The following ORC2 variants were observed in gnomAD, a reference collection of about 807,000 sequenced individuals.
ORC2 encodes origin recognition complex subunit 2.
ORC2 carries 37 observed loss-of-function variants against 77.7 expected under a neutral mutation model. The observed-to-expected ratio is 0.48, with a 90% confidence interval of 0.37 to 0.63. ORC2 has a LOEUF of 0.63. ORC2 is among the 20% of genes least tolerant of loss of function. ORC2 has a pLI of 0.00. For synonymous variants in ORC2, 201 were observed against 229.5 expected (o/e 0.88, Z 1.12); for missense variants, 557 against 661.9 (o/e 0.84, Z 1.74).
chr2:200,944,095 G>C (rs2041205395), intron 5 of ORC2, among the ~76,000 whole-genome samples: 1 of 152,136 alleles, frequency 6.6e-6, no homozygotes. Flanking sequence ...TGCTCCACCT[G>C]ATTTTAAATA....
chr2:200,940,724 C>T (rs1001077225), intron 7 of ORC2, among the ~76,000 whole-genome samples: 3 of 152,044 alleles, frequency 2.0e-5, no homozygotes, highest in Non-Finnish European at 4.4e-5. Flanking sequence ...ATCACTTGAA[C>T]CTGGAAGGTG....
intron 1 of ORC2, among the ~76,000 whole-genome samples, chr2:200,960,862 C>T (rs1161499326): frequency 1.3e-5 from 2 of 150,946 alleles, no homozygotes; most frequent in African/African-American, 2.4e-5. Flanking sequence ...CTGCAACCTC[C>T]GCCTCCTGGG....
chr2:200,934,790 GTTC>G (rs2041006378), intron 9 of ORC2, among the ~76,000 whole-genome samples: 1 of 152,168 alleles, frequency 6.6e-6, no homozygotes, highest in Admixed American at 6.5e-5. Flanking sequence ...CACACTATTT[GTTC>G]TTCTGATTTT....
intron 5 of ORC2, among the ~76,000 whole-genome samples, chr2:200,947,835 A>C (rs1019461713): frequency 6.6e-6 from 1 of 152,086 alleles, no homozygotes; most frequent in African/African-American, 2.4e-5. Flanking sequence ...CCCTAGGCTC[A>C]AGTCATCCTC....
intron 16 of ORC2, 75 bp from the exon 17 acceptor site, chr2:200,913,488 G>GTTA: frequency 6.8e-7 from 1 of 1,469,502 alleles, no homozygotes; most frequent in Non-Finnish European, 9.1e-7. Flanking sequence ...CCATACAAAA[G>GTTA]AACAGAATAA....
chr2:200,956,499 CT>C (rs34731886), intron 4 of ORC2, among the ~76,000 whole-genome samples: 4,976 of 146,846 alleles, frequency 0.034, 118 homozygotes, highest in Middle Eastern at 0.083. Context: ...TAATTAAAAA[CT>C]TTTTTTTTTT....
intron 17 of ORC2, among the ~76,000 whole-genome samples, chr2:200,912,110 A>G (rs561198287): frequency 6.6e-6 from 1 of 152,218 alleles, no homozygotes; most frequent in South Asian, 2.1e-4. Flanking sequence ...TCACCTCTGC[A>G]GGCTTATCCT....
chr2:200,961,867 G>A (rs1386973254), intron 1 of ORC2, among the ~76,000 whole-genome samples: 2 of 152,140 alleles, frequency 1.3e-5, no homozygotes, highest in East Asian at 1.9e-4. Flanking sequence ...AGTAAAGGTC[G>A]GTTACGTAAT....
At chr2:200,933,698 G>A (rs2040982845) in intron 10 of ORC2, among the ~76,000 whole-genome samples, 178 bp downstream of exon 10, 1 of 152,076 alleles carries the variant, frequency 6.6e-6, no homozygotes, top group South Asian at 2.1e-4. Context: ...TATGAGCCAG[G>A]TGTGCCCGGC....
rs869076427 is a variant in ORC2, at chr2:200,932,334, CTTTTTTT to C, written c.808-893_808-887del. On this transcript the variant is annotated intron_variant, in intron 10 of 17. Coordinates refer to ENST00000234296, the MANE Select transcript of ORC2 (RefSeq NM_006190.5). ...CTCATGTATGTACTTTCATTTCAAA[CTTTTTTT>C]TTTTTTTTTTTTTTTTGAGACAGAG... 4.2e-5 allele frequency among the ~76,000 whole-genome samples: 5 copies of C among 120,166 alleles called. No homozygotes were observed. The South Asian group carries it at 1.1e-3, about 26-fold the overall frequency. 78.8% of individuals were successfully genotyped at this position (120,166 alleles called of 152,430 possible).
chr2:200,950,050 T>C (rs962346830), intron 4 of ORC2, among the ~76,000 whole-genome samples: 2 of 152,102 alleles, frequency 1.3e-5, no homozygotes, highest in Non-Finnish European at 2.9e-5. Flanking sequence ...GAAGCTTTCT[T>C]GGCCGGGCGC....
chr2:200,935,852 A>G lies in ORC2; in HGVS notation c.555T>C (p.Ala185=). 1 of 1,613,928 alleles carries G rather than the reference A, an allele frequency of 6.2e-7. No individual in the cohort carries two copies. Reference sequence around the variant, plus strand: ...CCCCTTCATCATCCTCTGAGTTGGAAGCAGAATATTCGCTTTCACTGTCAG... The same window carrying G: ...CCCCTTCATCATCCTCTGAGTTGGAGGCAGAATATTCGCTTTCACTGTCAG... ...SHSDSESEYS[A]SNSEDDEGVA... Residue 185 remains alanine (A), a synonymous_variant, in exon 9 of 18, where the codon GCT becomes GCC. Transcript: ENST00000234296.
At chr2:200,952,406 C>T (rs1559023047) in intron 4 of ORC2, among the ~76,000 whole-genome samples, 1 of 151,996 alleles carries the variant, frequency 6.6e-6, no homozygotes, top group Non-Finnish European at 1.5e-5. Context: ...ACTACAGTCG[C>T]CCGCCACCAC....
At chr2:200,944,364 G>A (rs2041213415) in intron 5 of ORC2, among the ~76,000 whole-genome samples, 2 of 152,138 alleles carry the variant, frequency 1.3e-5, no homozygotes, top group Non-Finnish European at 1.5e-5. Context: ...TAGTAGAGCG[G>A]GGGTTTCACC....
chr2:200,916,484 C>CA lies in ORC2; in HGVS notation c.1467-2493dup, dbSNP rs202132939. 1.7e-3 allele frequency among the ~76,000 whole-genome samples: 248 copies of CA among 147,266 alleles called. 2 individuals are homozygous for CA. In the East Asian group the frequency reaches 0.037, roughly 22 times the overall value. ...TTGGCGACACCATGAGTCTCCATCTCAAAAAAAAAACTTGCATCAGCGTAG... is the reference window on the plus strand; with the variant it reads ...TTGGCGACACCATGAGTCTCCATCTCAAAAAAAAAAACTTGCATCAGCGTAG... On this transcript the variant is annotated intron_variant, in intron 15 of 17. Transcript: ENST00000234296.
chr2:200,942,181 G>A (rs746388495), intron 6 of ORC2, among the ~76,000 whole-genome samples: 5 of 151,972 alleles, frequency 3.3e-5, no homozygotes, highest in East Asian at 1.9e-4. Context: ...GCAACATAGC[G>A]AGACCCTGTC....
chr2:200,956,427 T>C (rs1466725258), intron 4 of ORC2, among the ~76,000 whole-genome samples: 1 of 152,130 alleles, frequency 6.6e-6, no homozygotes, highest in Non-Finnish European at 1.5e-5. Context: ...GCGATCAATC[T>C]GCTTTGGTCT....
intron 8 of ORC2, among the ~76,000 whole-genome samples, chr2:200,936,432 C>T (rs16836006): frequency 1.3e-5 from 2 of 152,130 alleles, no homozygotes; most frequent in East Asian, 1.9e-4. Context: ...TTATACCCAT[C>T]GTTTAAAGCT....
chr2:200,927,526 C>CA (rs1158700178), intron 11 of ORC2, among the ~76,000 whole-genome samples: 30,661 of 130,998 alleles, frequency 0.23, 4,151 homozygotes, highest in African/African-American at 0.4. Flanking sequence ...ACTAAAAATA[C>CA]AAAAAAAAAA....
Sources: allele counts gnomAD v4.1 joint callset (sites outside exome capture counted in the v4.1 genomes callset), GRCh38; gene constraint gnomAD v4.1.1; transcripts MANE v1.5; gene names NCBI Gene and HGNC (gene_info 2026-07-23, HGNC 2026-07-21).